The following PTPRG variants were observed in gnomAD, a reference collection of about 807,000 sequenced individuals.
The protein encoded by PTPRG is receptor-type tyrosine-protein phosphatase gamma.
A neutral mutation model predicts 165.3 loss-of-function variants in PTPRG; 102 were observed. The ratio of observed to expected loss-of-function variants is 0.62; its 90% CI spans 0.53 to 0.73. PTPRG has a LOEUF of 0.73. Ranked by LOEUF, PTPRG falls within the 30% of genes least tolerant of loss-of-function variation. PTPRG has a pLI of 0.00. For missense variants in PTPRG, 1,866 were observed against 1,861.4 expected, an observed-to-expected ratio of 1.00 and a Z score of -0.05; for synonymous variants, 675 against 669.5, an observed-to-expected ratio of 1.01 and a Z score of -0.13.
intron 2 of PTPRG, among the ~76,000 whole-genome samples, chr3:61,845,843 T>C (rs2036791348): frequency 6.7e-6 from 1 of 149,232 alleles, no homozygotes; most frequent in Non-Finnish European, 1.5e-5. Flanking sequence ...ATTTTGTGAG[T>C]GGAGGTTGTT....
intron 1 of PTPRG, among the ~76,000 whole-genome samples, chr3:61,696,122 T>C (rs55758907): frequency 1.1e-4 from 16 of 152,282 alleles, no homozygotes; most frequent in African/African-American, 3.8e-4. Context: ...TCCATGCACT[T>C]GTAGTACCCC....
intron 7 of PTPRG, among the ~76,000 whole-genome samples, chr3:62,159,345 G>A (rs1227812425): frequency 6.6e-6 from 1 of 151,842 alleles, no homozygotes; most frequent in Admixed American, 6.6e-5. Flanking sequence ...AAAAGAGAAA[G>A]ATTTGAGATA....
At chr3:61,580,381 A>ATTT (rs36020375) in intron 1 of PTPRG, among the ~76,000 whole-genome samples, 1,420 of 137,660 alleles carry the variant, frequency 0.01, 17 homozygotes, top group Non-Finnish European at 0.018. Flanking sequence ...CTCTATTCTG[A>ATTT]TTTTTTTTTT....
chr3:61,580,456 C>T lies in PTPRG; in HGVS notation c.85+18084C>T, dbSNP rs558290700. Among the ~76,000 whole-genome samples, 62 of 150,122 alleles carry T rather than the reference C, an allele frequency of 4.1e-4. 2 individuals carry two copies. In the South Asian group the frequency reaches 0.011, roughly 26 times the overall value. On this transcript the variant is annotated intron_variant, in intron 1 of 29. Transcript: ENST00000474889. Reference sequence around the variant, plus strand: ...AATGTAGTGGCGTGATCTCAGCTCACTGCAACCTCTGCCTCCCAGGTTCAA... The same window carrying T: ...AATGTAGTGGCGTGATCTCAGCTCATTGCAACCTCTGCCTCCCAGGTTCAA...
At chr3:62,057,275 A>G (rs1305209216) in intron 4 of PTPRG, among the ~76,000 whole-genome samples, 1 of 152,230 alleles carries the variant, frequency 6.6e-6, no homozygotes, top group Non-Finnish European at 1.5e-5. Flanking sequence ...TCAGCCAACC[A>G]TTGAACATTG....
chr3:61,696,984 G>A (rs979409508), intron 1 of PTPRG, among the ~76,000 whole-genome samples: 2 of 152,104 alleles, frequency 1.3e-5, no homozygotes, highest in Non-Finnish European at 1.5e-5. Context: ...TTAGTTATTG[G>A]GAAGATTGAT....
chr3:62,041,737 G>A (rs1001712195), intron 4 of PTPRG, among the ~76,000 whole-genome samples: 7 of 152,072 alleles, frequency 4.6e-5, no homozygotes, highest in African/African-American at 1.7e-4. Flanking sequence ...ATATGACGGT[G>A]GTAATGATCA....
rs149847925 is a variant in PTPRG, at chr3:61,562,344, C to T, written c.57C>T (p.Ser19=). 4 of 1,613,708 alleles carry T rather than the reference C, an allele frequency of 2.5e-6. No individual in the cohort carries two copies. Among genetic ancestry groups the T allele is most frequent in the African/African-American group, 2.7e-5 (2 of 75,034 alleles). ...WWILFLKITS[S]VLHYVVCFPA... ...TTTTGTTCCTGAAAATCACCAGTTC[C>T]GTGCTCCATTATGTCGTGTGCTTCC... is the stretch of plus-strand genomic sequence containing the variant. The change falls in exon 1 of 30, where the codon TCC becomes TCT. Residue 19 remains serine (S), a synonymous_variant. Coordinates refer to ENST00000474889, the MANE Select transcript of PTPRG (RefSeq NM_002841.4).
At chr3:62,022,438 C>G (rs1446713492) in intron 4 of PTPRG, among the ~76,000 whole-genome samples, 1 of 152,160 alleles carries the variant, frequency 6.6e-6, no homozygotes, top group Non-Finnish European at 1.5e-5. Flanking sequence ...AGACATAATG[C>G]TTGTCACCTT....
intron 1 of PTPRG, among the ~76,000 whole-genome samples, chr3:61,671,855 G>GC (rs1167536673): frequency 6.9e-6 from 1 of 145,172 alleles, no homozygotes; most frequent in Admixed American, 6.8e-5. Flanking sequence ...GGGCAGAGGC[G>GC]CCCCTCACCT....
In PTPRG at chr3:62,168,097, C is replaced by T. The variant is rs142366357; in HGVS notation, c.967C>T (p.Arg323Cys). 3.7e-4 allele frequency: 602 copies of T among 1,614,064 alleles called. 2 individuals are homozygous for T. The African/African-American group carries it at 6.0e-3, about 16-fold the overall frequency. ...HDRVVSKSAV[R>C]DSWNHDMTDF... ...CAGGGTGGTGTCCAAGTCCGCCGTC[C>T]GTGACTCCTGGAACCACGACATGAC... The change falls in exon 8 of 30, where the codon CGT (arginine) becomes TGT (cysteine). Residue 323 changes from arginine (R) to cysteine (C), a missense_variant. Physicochemically the swap from Arg to Cys is radical, Grantham distance 180. Transcript: ENST00000474889.
chr3:61,570,260 C>CTT (rs11306926), intron 1 of PTPRG, among the ~76,000 whole-genome samples: 1 of 147,228 alleles, frequency 6.8e-6, no homozygotes, highest in African/African-American at 2.5e-5. Context: ...CTAATCTTTT[C>CTT]TTTTTTTTTT....
Position 61,717,766 on chromosome 3 carries a change from C to G in PTPRG, c.86-31112C>G, listed in dbSNP as rs183318629. Among the ~76,000 whole-genome samples, 548 of 151,642 alleles carry G rather than the reference C, an allele frequency of 3.6e-3. 2 individuals carry two copies. The highest frequency in any genetic ancestry group is 6.2e-3 in the Non-Finnish European group (423 of 67,920). ...TTTGAGCCACTGCACTCCAGCCTGG[C>G]GACAGAGCCAGACCCTGTCTTTAAA... is the stretch of plus-strand genomic sequence containing the variant. On this transcript the variant is annotated intron_variant, in intron 1 of 29. Transcript: ENST00000474889.
chr3:61,899,580 C>T (rs2038447658), intron 2 of PTPRG, among the ~76,000 whole-genome samples: 1 of 152,016 alleles, frequency 6.6e-6, no homozygotes, highest in Non-Finnish European at 1.5e-5. Flanking sequence ...GTTGTGCTGT[C>T]TATGGAAAAA....
At chr3:62,110,814 G>A (rs1267156120) in intron 5 of PTPRG, among the ~76,000 whole-genome samples, 2 of 152,298 alleles carry the variant, frequency 1.3e-5, no homozygotes, top group South Asian at 2.1e-4. Context: ...GAAATTGCGA[G>A]GGCTGTAAGT....
intron 1 of PTPRG, among the ~76,000 whole-genome samples, chr3:61,618,456 G>A (rs1701360797): frequency 6.6e-6 from 1 of 152,110 alleles, no homozygotes; most frequent in Admixed American, 6.5e-5. Context: ...TAAGACTAAA[G>A]CATGGTGGGG....
intron 1 of PTPRG, among the ~76,000 whole-genome samples, chr3:61,716,760 C>T (rs931169397): frequency 1.3e-5 from 2 of 152,166 alleles, no homozygotes; most frequent in Non-Finnish European, 1.5e-5. Context: ...GTCACGAGGT[C>T]AGGAGTTCAA....
In PTPRG at chr3:61,753,032, A is replaced by C. The variant is rs72878470; in HGVS notation, c.190+4050A>C. Among the ~76,000 whole-genome samples the C allele has an allele frequency of 1.8e-3, 279 of 152,248 alleles. 1 individual carries two copies. The highest frequency in any genetic ancestry group is 6.3e-3 in the African/African-American group (263 of 41,552). On this transcript the variant is annotated intron_variant, in intron 2 of 29. Coordinates refer to ENST00000474889, the MANE Select transcript of PTPRG (RefSeq NM_002841.4). ...TGCCTTTGTGAATACCTGTAATTTT[A>C]GCATAGAGAACTATTTATTGAGGAA... is the stretch of plus-strand genomic sequence containing the variant.
At chr3:61,727,410 C>T (rs1430213627) in intron 1 of PTPRG, among the ~76,000 whole-genome samples, 2 of 152,038 alleles carry the variant, frequency 1.3e-5, no homozygotes, top group Non-Finnish European at 2.9e-5. Flanking sequence ...CCCAGCTCAG[C>T]CTGGGATTTG....
Sources: allele counts gnomAD v4.1 joint callset (sites outside exome capture counted in the v4.1 genomes callset), GRCh38; gene constraint gnomAD v4.1.1; transcripts MANE v1.5; gene names NCBI Gene and HGNC (gene_info 2026-07-23, HGNC 2026-07-21).